TBCK: variants seen among roughly 807,000 people sequenced by gnomAD.
TBCK encodes TBC1 domain containing kinase.
TBCK carries 99 observed loss-of-function variants against 113.4 expected under a neutral mutation model. The ratio of observed to expected loss-of-function variants is 0.87; its 90% confidence interval spans 0.74 to 1.03. The LOEUF (loss-of-function observed/expected upper bound fraction) is 1.03, where lower values mean the gene tolerates loss of function less well. Ranked by LOEUF, TBCK falls within the 50% of genes least tolerant of loss-of-function variation. The probability of loss-of-function intolerance (pLI) is 0.00; values close to 1 mark genes in which losing one functional copy is unlikely to be tolerated. For synonymous variants in TBCK, 369 were observed against 370.8 expected (o/e 1.00, Z 0.05); for missense variants, 1,045 against 1,061.3 (o/e 0.98, Z 0.21).
chr4:106,143,283 C>T (rs1457592204), intron 23 of TBCK, among the ~76,000 whole-genome samples: 1 of 152,126 alleles, frequency 6.6e-6, no homozygotes, highest in Non-Finnish European at 1.5e-5. Context: ...ACTTGTTGTG[C>T]TTACAGGGCA....
At chr4:106,235,935 C>A (rs1759408627) in intron 14 of TBCK, among the ~76,000 whole-genome samples, 1 of 151,946 alleles carries the variant, frequency 6.6e-6, no homozygotes, top group Non-Finnish European at 1.5e-5. Context: ...CACATTTATT[C>A]CAACAGAATG....
At chr4:106,269,941 T>C (rs186771385) in intron 3 of TBCK, among the ~76,000 whole-genome samples, 1 of 152,282 alleles carries the variant, frequency 6.6e-6, no homozygotes, top group East Asian at 1.9e-4. Context: ...TGTCACTGAT[T>C]TGTTATGCTT....
chr4:106,059,822 C>T (rs1036121494), intron 25 of TBCK, among the ~76,000 whole-genome samples: 4 of 151,672 alleles, frequency 2.6e-5, no homozygotes, highest in African/African-American at 9.7e-5. Flanking sequence ...GGCCAAACAG[C>T]CAAGTTGTGA....
In TBCK at chr4:106,043,447, T is replaced by TA. The variant is rs1320530942; in HGVS notation, c.*3122dup. ...CCCTTCAAATAGATTCTAAAATTGA[T>TA]AGATTCAATTTTATATTAATTGAGC... On this transcript the variant is annotated 3_prime_UTR_variant, in exon 26 of 26. Transcript: ENST00000394708. The TA allele has an allele frequency of 4.6e-5, 7 of 152,220 alleles. No homozygotes were observed. The highest frequency in any genetic ancestry group is 8.8e-5 in the Non-Finnish European group (6 of 68,038). 9.4% of individuals were successfully genotyped at this position (152,220 alleles called of 1,614,324 possible).
At chr4:106,154,169 G>A (rs571158383) in intron 23 of TBCK, among the ~76,000 whole-genome samples, 1 of 151,840 alleles carries the variant, frequency 6.6e-6, no homozygotes, top group South Asian at 2.1e-4. Context: ...TTTAGTGAAG[G>A]GGATTTTCTA....
At chr4:106,059,709 G>A (rs1270162879) in intron 25 of TBCK, among the ~76,000 whole-genome samples, 1 of 151,724 alleles carries the variant, frequency 6.6e-6, no homozygotes, top group African/African-American at 2.4e-5. Flanking sequence ...ATGAAAGGAA[G>A]AGTCACATAA....
chr4:106,127,768 T>C (rs1474324333), intron 23 of TBCK, among the ~76,000 whole-genome samples: 1 of 152,092 alleles, frequency 6.6e-6, no homozygotes, highest in East Asian at 1.9e-4. Flanking sequence ...TTTCAAATGA[T>C]TACGCTGAAG....
chr4:106,294,011 A>C (rs1765996499), intron 3 of TBCK, among the ~76,000 whole-genome samples: 1 of 152,192 alleles, frequency 6.6e-6, no homozygotes, highest in South Asian at 2.1e-4. Flanking sequence ...TTCCTTGCCA[A>C]GAGAGTAAAT....
chr4:106,290,462 C>T (rs1397889125), intron 3 of TBCK, among the ~76,000 whole-genome samples: 1 of 152,150 alleles, frequency 6.6e-6, no homozygotes, highest in Admixed American at 6.5e-5. Flanking sequence ...AGGCATGAGC[C>T]ACCACACCCG....
In TBCK at chr4:106,219,421, T is replaced by TA. The variant is rs569295765; in HGVS notation, c.1775-6587dup. ...TAAATAAAAATAAAAATTAAAAGTA[T>TA]AAAAAAAGACATAAGAATACCATGT... is the stretch of plus-strand genomic sequence containing the variant. On this transcript the variant is annotated intron_variant, in intron 19 of 25. Transcript: ENST00000394708. Among the ~76,000 whole-genome samples, 760 of 150,762 alleles carry TA rather than the reference T, an allele frequency of 5.0e-3. 4 individuals carry two copies. Among genetic ancestry groups the TA allele is most frequent in the African/African-American group, 0.018 (731 of 41,246 alleles).
intron 25 of TBCK, among the ~76,000 whole-genome samples, chr4:106,064,997 A>T (rs1388093707): frequency 1.3e-5 from 2 of 152,024 alleles, no homozygotes; most frequent in East Asian, 3.9e-4. Flanking sequence ...TTACAAGCTG[A>T]AACTTTGACC....
At chr4:106,277,365 CAGA>C (rs1423273293) in intron 3 of TBCK, among the ~76,000 whole-genome samples, 1 of 151,822 alleles carries the variant, frequency 6.6e-6, no homozygotes. Flanking sequence ...AAAATGAAAA[CAGA>C]AGGCCACAAA....
chr4:106,066,692 C>A (rs1471437039), intron 25 of TBCK, among the ~76,000 whole-genome samples: 2 of 151,950 alleles, frequency 1.3e-5, no homozygotes, highest in African/African-American at 2.4e-5. Context: ...TTCCTCCCTC[C>A]CCCAGCCCGT....
At chr4:106,186,934 C>T (rs1753088564) in intron 22 of TBCK, among the ~76,000 whole-genome samples, 1 of 152,134 alleles carries the variant, frequency 6.6e-6, no homozygotes, top group African/African-American at 2.4e-5. Flanking sequence ...AGGAAGCGCT[C>T]CAGTTTCAAT....
chr4:106,213,553 C>T lies in TBCK; in HGVS notation c.1775-718G>A, dbSNP rs59197205. On this transcript the variant is annotated intron_variant, in intron 19 of 25. Coordinates refer to ENST00000394708, the MANE Select transcript of TBCK (RefSeq NM_001163435.3). ...AAGCAGGGCGAGGCATTGCCTCACT[C>T]GGGAAGCGCAAGGGGTCAGGGAGTT... The T allele has an allele frequency of 4.7e-3, 722 of 154,192 alleles. 5 individuals are homozygous for T. Among genetic ancestry groups the T allele is most frequent in the African/African-American group, 0.013 (552 of 41,590 alleles). The allele number at this position is 154,192 out of a possible 1,614,324, so 9.6% of individuals were successfully genotyped here.
intron 3 of TBCK, among the ~76,000 whole-genome samples, chr4:106,267,875 A>G (rs1763131129): frequency 6.6e-6 from 1 of 152,032 alleles, no homozygotes; most frequent in African/African-American, 2.4e-5. Context: ...AAACATACTG[A>G]GGCCAAGATC....
chr4:106,159,192 A>G (rs1243033849), intron 23 of TBCK, among the ~76,000 whole-genome samples: 1 of 152,094 alleles, frequency 6.6e-6, no homozygotes, highest in Non-Finnish European at 1.5e-5. Flanking sequence ...AACATGCTCA[A>G]TGGTGAAAGG....
chr4:106,166,929 G>A (rs938604234), intron 23 of TBCK, among the ~76,000 whole-genome samples: 7 of 150,666 alleles, frequency 4.6e-5, no homozygotes, highest in African/African-American at 9.7e-5. Context: ...TATAAAAAAC[G>A]TCAAACTTAA....
At chr4:106,171,914 T>C (rs1056340463) in intron 22 of TBCK, among the ~76,000 whole-genome samples, 2 of 152,132 alleles carry the variant, frequency 1.3e-5, no homozygotes, top group African/African-American at 4.8e-5. Context: ...CACTGCAACC[T>C]TGGCCTCCCA....
Sources: gnomAD v4.1 joint callset for allele counts (sites outside exome capture counted in the v4.1 genomes callset) on GRCh38, gnomAD v4.1.1 for gene constraint, MANE v1.5 for transcripts, NCBI Gene and HGNC (gene_info 2026-07-23, HGNC 2026-07-21) for gene names.